Variants in NEK10 observed in about 807,000 individuals in gnomAD.
NEK10 encodes the protein NIMA related kinase 10.
Under a neutral mutation model 159.8 loss-of-function variants are expected in NEK10, and 122 were observed. The observed-to-expected ratio is 0.76, with a 90% CI of 0.66 to 0.89. The LOEUF is 0.89. Ranked by LOEUF, NEK10 falls within the 40% of genes least tolerant of loss-of-function variation. NEK10 has a pLI of 0.00. For missense variants in NEK10, 1,342 were observed against 1,323.1 expected, an observed-to-expected ratio of 1.01 and a Z score of -0.22; for synonymous variants, 466 against 457.1, an observed-to-expected ratio of 1.02 and a Z score of -0.25.
chr3:27,174,966 G>T (rs1300777880), intron 26 of NEK10, 133 bp from the exon 27 acceptor site: 2 of 681,120 alleles, frequency 2.9e-6, no homozygotes, highest in Admixed American at 3.3e-5. Flanking sequence ...CGCATCAGTA[G>T]TTCCACCTAT....
rs532298951 is a variant in NEK10, at chr3:27,278,747, G to C, written c.2014+5855C>G. The C allele has an allele frequency of 5.6e-5, 55 of 984,958 alleles. No individual in the cohort carries two copies. In the East Asian group the frequency reaches 6.8e-4, roughly 12 times the overall value. 61.0% of individuals were successfully genotyped at this position (984,958 alleles called of 1,614,324 possible). A position where few individuals can be genotyped will look rare whatever the true frequency, so the allele number is the denominator to read the frequency against. Reference sequence around the variant, plus strand: ...CATGGAAGGTTTACATTAAAATAAGGGTTTTTGAAAAGGTCAAGAAATCTG... The same window carrying C: ...CATGGAAGGTTTACATTAAAATAAGCGTTTTTGAAAAGGTCAAGAAATCTG... On this transcript the variant is annotated intron_variant, in intron 22 of 35. Coordinates refer to ENST00000691995, the MANE Select transcript of NEK10 (RefSeq NM_001394966.1).
At chr3:27,136,575 T>C (rs192357767) in intron 31 of NEK10, among the ~76,000 whole-genome samples, 9 of 152,266 alleles carry the variant, frequency 5.9e-5, no homozygotes, top group Non-Finnish European at 8.8e-5. Flanking sequence ...AGGTAACATA[T>C]GTACTTTAGT....
rs189830287 is a variant in NEK10 at position 27,151,630 on chromosome 3, C to T, written c.2870-10048G>A. On this transcript the variant is annotated intron_variant, in intron 30 of 35. Coordinates refer to ENST00000691995, the MANE Select transcript of NEK10 (RefSeq NM_001394966.1). ...ACCCCCCAAAAATCACACTTGTTCA[C>T]CAGCAATGGAGCCAAACCAAGAAGA... Among the ~76,000 whole-genome samples the T allele has an allele frequency of 2.8e-3, 418 of 150,754 alleles. 4 individuals carry two copies. Among genetic ancestry groups the T allele is most frequent in the African/African-American group, 9.8e-3 (406 of 41,392 alleles).
intron 23 of NEK10, among the ~76,000 whole-genome samples, chr3:27,221,708 C>A (rs1353384531): frequency 1.3e-5 from 2 of 152,234 alleles, no homozygotes; most frequent in Admixed American, 1.3e-4. Context: ...ACTTGGTACA[C>A]AGCTAGTATG....
At chr3:27,270,522 T>A (rs1446286071) in intron 22 of NEK10, among the ~76,000 whole-genome samples, 1 of 152,144 alleles carries the variant, frequency 6.6e-6, no homozygotes, top group African/African-American at 2.4e-5. Flanking sequence ...TTTGTTATTT[T>A]AACCCTCCAA....
At chr3:27,121,666 T>C (rs1404912481) in intron 32 of NEK10, among the ~76,000 whole-genome samples, 1 of 152,206 alleles carries the variant, frequency 6.6e-6, no homozygotes, top group Non-Finnish European at 1.5e-5. Flanking sequence ...GTAAGTCCAA[T>C]TAAACCTCTT....
chr3:27,150,673 T>C (rs1384326061), intron 30 of NEK10, among the ~76,000 whole-genome samples: 3 of 152,224 alleles, frequency 2.0e-5, no homozygotes, highest in African/African-American at 7.2e-5. Context: ...TAATGTTGTT[T>C]TCATGTATGC....
chr3:27,334,637 T>C (rs1336795797), intron 5 of NEK10, among the ~76,000 whole-genome samples: 1 of 152,286 alleles, frequency 6.6e-6, no homozygotes, highest in East Asian at 1.9e-4. Flanking sequence ...TGACACTGTT[T>C]ATAGAGAAAG....
At chr3:27,295,754 G>A in intron 14 of NEK10, 64 bp from the exon 15 acceptor site, 1 of 1,459,768 alleles carries the variant, frequency 6.9e-7, no homozygotes, top group Non-Finnish European at 9.1e-7. Flanking sequence ...GCAAAAAGAG[G>A]CAAATAAACA....
chr3:27,179,470 G>A (rs988692790), intron 26 of NEK10, among the ~76,000 whole-genome samples: 1 of 152,164 alleles, frequency 6.6e-6, no homozygotes, highest in East Asian at 1.9e-4. Flanking sequence ...AATTTATTAT[G>A]GTTAAAAATG....
intron 11 of NEK10, among the ~76,000 whole-genome samples, chr3:27,306,253 C>T (rs6786440): frequency 0.23 from 35,271 of 152,052 alleles, 4,452 homozygotes; most frequent in Middle Eastern, 0.37. Context: ...TAGGTAACCC[C>T]ACTGCTCCTC....
Position 27,246,665 on chromosome 3 carries a change from C to G in NEK10, c.2090+9631G>C, listed in dbSNP as rs56957062. Among the ~76,000 whole-genome samples the G allele has an allele frequency of 1.3e-3, 197 of 152,088 alleles. 1 individual carries two copies. Among genetic ancestry groups the G allele is most frequent in the African/African-American group, 4.3e-3 (180 of 41,478 alleles). ...TTATTCACTAATTCTATTTTTTATA[C>G]CCATTAATCACCCCAATCCCCCCAA... is the stretch of plus-strand genomic sequence containing the variant. On this transcript the variant is annotated intron_variant, in intron 23 of 35. Coordinates refer to ENST00000691995, the MANE Select transcript of NEK10 (RefSeq NM_001394966.1).
intron 23 of NEK10, among the ~76,000 whole-genome samples, chr3:27,228,961 G>C (rs545446759): frequency 4.6e-5 from 7 of 152,154 alleles, no homozygotes; most frequent in African/African-American, 1.7e-4. Flanking sequence ...GGGACCTCTA[G>C]GTATTAGCAC....
At chr3:27,210,435 G>A (rs1950906961) in intron 23 of NEK10, among the ~76,000 whole-genome samples, 1 of 152,036 alleles carries the variant, frequency 6.6e-6, no homozygotes, top group African/African-American at 2.4e-5. Flanking sequence ...ATCTCTTAAA[G>A]GTCCCATCTC....
intron 1 of NEK10, among the ~76,000 whole-genome samples, chr3:27,364,164 G>C (rs1575952431): frequency 6.6e-6 from 1 of 151,758 alleles, no homozygotes; most frequent in East Asian, 1.9e-4. Context: ...TGAAGAGTTT[G>C]TGTATTTACT....
At chr3:27,275,535 G>A (rs1275178215) in intron 22 of NEK10, among the ~76,000 whole-genome samples, 2 of 152,244 alleles carry the variant, frequency 1.3e-5, no homozygotes, top group East Asian at 3.9e-4. Context: ...TACTCAAGTC[G>A]TGTCAGCTCA....
Position 27,297,189 on chromosome 3 carries a change from T to A in NEK10, c.1220A>T (p.Gln407Leu). The A allele has an allele frequency of 1.2e-6, 2 of 1,612,496 alleles. No homozygotes were observed. The highest frequency in any genetic ancestry group is 1.7e-6 in the Non-Finnish European group (2 of 1,178,538). Residue 407 changes from glutamine to leucine, a missense_variant, in exon 14 of 36, where the codon CAG becomes CTG. Physicochemically the swap from Gln to Leu is moderately radical, Grantham distance 113. Coordinates refer to ENST00000691995, the MANE Select transcript of NEK10 (RefSeq NM_001394966.1). ...AAGGAGTGCTCTCACCTGAACCACC[T>A]GGTGGGCATTGGTGTCATTGAGCAC... ...ELVLNDTNAH[Q>L]VVQENGVYTI...
At chr3:27,162,505 G>A (rs1220397379) in intron 30 of NEK10, 196 bp downstream of exon 30, 1 of 1,614,136 alleles carries the variant, frequency 6.2e-7, no homozygotes, top group Non-Finnish European at 8.5e-7. Flanking sequence ...AAGGCTATGG[G>A]ACTGCCACCC....
At chr3:27,168,263 A>G (rs147972546) in intron 29 of NEK10, among the ~76,000 whole-genome samples, 289 of 152,034 alleles carry the variant, frequency 1.9e-3, no homozygotes, top group African/African-American at 6.3e-3. Context: ...TAGGAAAAAA[A>G]AAAAAGAAAA....
Sources: allele counts gnomAD v4.1 joint callset (sites outside exome capture counted in the v4.1 genomes callset), GRCh38; gene constraint gnomAD v4.1.1; transcripts MANE v1.5; gene names NCBI Gene and HGNC (gene_info 2026-07-23, HGNC 2026-07-21).